The following FBXL17 variants were observed in gnomAD, a reference collection of about 807,000 sequenced individuals.
FBXL17 encodes F-box/LRR-repeat protein 17.
In FBXL17, 22 loss-of-function variants were observed where a neutral mutation model predicts 66.2. The ratio of observed to expected loss-of-function variants is 0.33; its 90% CI spans 0.24 to 0.47. FBXL17 has a LOEUF of 0.47. FBXL17 is among the 20% of genes least tolerant of loss of function. FBXL17 has a pLI of 1.00. For missense variants in FBXL17, 878 were observed against 948.2 expected (o/e 0.93, Z 0.97); for synonymous variants, 474 against 400.5 (o/e 1.18, Z -2.19).
At chr5:108,141,505 T>G (rs980942667) in intron 6 of FBXL17, among the ~76,000 whole-genome samples, 1 of 152,244 alleles carries the variant, frequency 6.6e-6, no homozygotes, top group South Asian at 2.1e-4. Flanking sequence ...ACCTAAGCCA[T>G]TGTAGGACCT....
intron 4 of FBXL17, among the ~76,000 whole-genome samples, chr5:108,233,070 T>A (rs1470731222): frequency 6.6e-6 from 1 of 151,934 alleles, no homozygotes; most frequent in Non-Finnish European, 1.5e-5. Flanking sequence ...CACACAAATG[T>A]ATGTTTAATT....
At chr5:107,980,508 G>A (rs1405552625) in intron 7 of FBXL17, among the ~76,000 whole-genome samples, 1 of 148,812 alleles carries the variant, frequency 6.7e-6, no homozygotes, top group Non-Finnish European at 1.5e-5. Flanking sequence ...GCTAATTTTT[G>A]TATTTTTTGT....
chr5:108,276,566 T>G (rs893271505), intron 4 of FBXL17, among the ~76,000 whole-genome samples: 3 of 152,114 alleles, frequency 2.0e-5, no homozygotes, highest in African/African-American at 7.2e-5. Context: ...ATCCTTCTAT[T>G]TATAATGATC....
chr5:108,368,993 C>A (rs1455698552), intron 1 of FBXL17, among the ~76,000 whole-genome samples: 1 of 151,388 alleles, frequency 6.6e-6, no homozygotes, highest in Non-Finnish European at 1.5e-5. Context: ...AAGATCTTGA[C>A]CCTAAAGCAG....
chr5:107,936,580 T>C (rs1750915365), intron 7 of FBXL17, among the ~76,000 whole-genome samples: 1 of 152,170 alleles, frequency 6.6e-6, no homozygotes, highest in Non-Finnish European at 1.5e-5. Context: ...CTATTGATGA[T>C]GCTACATTAG....
intron 7 of FBXL17, among the ~76,000 whole-genome samples, chr5:107,935,351 A>C (rs966734565): frequency 4.6e-5 from 7 of 151,998 alleles, no homozygotes; most frequent in Admixed American, 2.6e-4. Flanking sequence ...CAAATGAAAC[A>C]ATGCTCTTGA....
At chr5:108,269,763 T>A (rs1213300225) in intron 4 of FBXL17, among the ~76,000 whole-genome samples, 1 of 152,084 alleles carries the variant, frequency 6.6e-6, no homozygotes, top group Non-Finnish European at 1.5e-5. Flanking sequence ...CCATAGTACC[T>A]AAGACAGTGC....
At chr5:108,064,562 T>C (rs946898433) in intron 6 of FBXL17, among the ~76,000 whole-genome samples, 1 of 152,152 alleles carries the variant, frequency 6.6e-6, no homozygotes, top group Non-Finnish European at 1.5e-5. Context: ...ACCTCTGCAC[T>C]CCAGAAATGA....
intron 6 of FBXL17, among the ~76,000 whole-genome samples, chr5:108,154,289 A>G (rs1181513279): frequency 1.1e-4 from 2 of 18,290 alleles, no homozygotes; most frequent in Non-Finnish European, 3.1e-4. Flanking sequence ...TCACAGCTGA[A>G]AAAAAAAAAA....
intron 2 of FBXL17, among the ~76,000 whole-genome samples, chr5:108,366,966 T>A (rs1028236229): frequency 1.3e-5 from 2 of 152,096 alleles, no homozygotes; most frequent in Non-Finnish European, 2.9e-5. Flanking sequence ...CAAATCTGCA[T>A]TCAATGGCAT....
intron 4 of FBXL17, among the ~76,000 whole-genome samples, chr5:108,292,177 A>C (rs1758140124): frequency 6.6e-6 from 1 of 151,046 alleles, no homozygotes; most frequent in African/African-American, 2.4e-5. Flanking sequence ...GCTGGAGTGC[A>C]ATGGCGCGAT....
intron 6 of FBXL17, among the ~76,000 whole-genome samples, chr5:108,150,110 A>C (rs1016048422): frequency 6.6e-6 from 1 of 152,222 alleles, no homozygotes; most frequent in African/African-American, 2.4e-5. Context: ...ATTTGAAAGT[A>C]AATTTCAAAC....
chr5:108,119,043 C>A (rs1197925693), intron 6 of FBXL17, among the ~76,000 whole-genome samples: 3 of 152,142 alleles, frequency 2.0e-5, no homozygotes, highest in Non-Finnish European at 4.4e-5. Context: ...GCACTCATTT[C>A]AAATTGCTGC....
intron 6 of FBXL17, among the ~76,000 whole-genome samples, chr5:108,026,451 A>G (rs1374447331): frequency 1.3e-5 from 2 of 152,190 alleles, no homozygotes; most frequent in Non-Finnish European, 2.9e-5. Flanking sequence ...TGACAACACA[A>G]TACCAAATAT....
chr5:108,102,104 A>G (rs1749625078), intron 6 of FBXL17, among the ~76,000 whole-genome samples: 1 of 152,124 alleles, frequency 6.6e-6, no homozygotes, highest in Non-Finnish European at 1.5e-5. Context: ...AGAAAGAAGG[A>G]TTAAATACAG....
At chr5:107,869,608 C>T (rs17160700) in intron 8 of FBXL17, among the ~76,000 whole-genome samples, 16,956 of 152,156 alleles carry the variant, frequency 0.11, 1,227 homozygotes, top group South Asian at 0.21. Flanking sequence ...CTCTGCTGGC[C>T]TGTGTAGATT....
intron 6 of FBXL17, among the ~76,000 whole-genome samples, chr5:108,117,630 A>G (rs1750315078): frequency 6.6e-6 from 1 of 152,174 alleles, no homozygotes; most frequent in African/African-American, 2.4e-5. Context: ...TAATTTCTCT[A>G]ATCAAAAGAT....
chr5:108,304,199 G>C (rs1758730188), intron 4 of FBXL17, among the ~76,000 whole-genome samples: 1 of 151,904 alleles, frequency 6.6e-6, no homozygotes, highest in Admixed American at 6.6e-5. Context: ...AAATTTCTAT[G>C]AAAATTTTTA....
intron 7 of FBXL17, among the ~76,000 whole-genome samples, chr5:107,901,838 G>A (rs1749576246): frequency 6.6e-6 from 1 of 152,146 alleles, no homozygotes; most frequent in African/African-American, 2.4e-5. Context: ...GTAGGCACTG[G>A]GAATACTGAA....
Sources: allele counts gnomAD v4.1 joint callset (sites outside exome capture counted in the v4.1 genomes callset), GRCh38; gene constraint gnomAD v4.1.1; transcripts MANE v1.5; gene names NCBI Gene and HGNC (gene_info 2026-07-23, HGNC 2026-07-21).